NKAIN3: variants seen among roughly 807,000 people sequenced by gnomAD.
The protein encoded by NKAIN3 is sodium/potassium transporting ATPase interacting 3, also known as sodium/potassium-transporting ATPase subunit beta-1-interacting protein 3.
A neutral mutation model predicts 30.2 loss-of-function variants in NKAIN3; 25 were observed. The ratio of observed to expected loss-of-function variants is 0.83; its 90% CI spans 0.60 to 1.16. The LOEUF (loss-of-function observed/expected upper bound fraction) is 1.16, where lower values mean the gene tolerates loss of function less well. Among genes scored for constraint, NKAIN3 ranks in the 50% most tolerant of loss-of-function variants. The pLI is 0.00. For synonymous variants in NKAIN3, 91 were observed against 89.6 expected, an observed-to-expected ratio of 1.02 and a Z score of -0.09; for missense variants, 225 against 254.1, an observed-to-expected ratio of 0.89 and a Z score of 0.78.
At chr8:62,451,127 T>C (rs1805624799) in intron 1 of NKAIN3, among the ~76,000 whole-genome samples, 1 of 152,210 alleles carries the variant, frequency 6.6e-6, no homozygotes, top group Non-Finnish European at 1.5e-5. Flanking sequence ...CTATCACCCA[T>C]GACTATGGTT....
intron 1 of NKAIN3, among the ~76,000 whole-genome samples, chr8:62,421,609 T>A (rs1804642696): frequency 6.6e-6 from 1 of 151,430 alleles, no homozygotes; most frequent in African/African-American, 2.4e-5. Flanking sequence ...TTGGAGTCTC[T>A]CTCTCTCTCT....
intron 3 of NKAIN3, among the ~76,000 whole-genome samples, chr8:62,734,699 A>C (rs1586142646): frequency 6.6e-6 from 1 of 152,246 alleles, no homozygotes; most frequent in African/African-American, 2.4e-5. Context: ...AGAAAAAGTC[A>C]GGAGTTAGTA....
At position 62,971,258 on chromosome 8, in the gene NKAIN3, C is replaced by A. The variant is rs1235023908; in HGVS notation, c.*5851C>A. Among the ~76,000 whole-genome samples, 1 of 152,124 alleles carries A rather than the reference C, an allele frequency of 6.6e-6. No homozygotes were observed. Among genetic ancestry groups the A allele is most frequent in the Non-Finnish European group, 1.5e-5 (1 of 68,022 alleles). On this transcript the variant is annotated 3_prime_UTR_variant, in exon 7 of 7. Coordinates refer to ENST00000623646, the MANE Select transcript of NKAIN3 (RefSeq NM_001304533.3). ...ACTACTTCTGTTTACATCTCATTAG[C>A]CAAAACTTGGTCCACCCCCAACTTT...
At chr8:62,495,184 G>T (rs779322574) in intron 1 of NKAIN3, among the ~76,000 whole-genome samples, 1 of 151,928 alleles carries the variant, frequency 6.6e-6, no homozygotes, top group Non-Finnish European at 1.5e-5. Context: ...ACTATGTCAT[G>T]ACCAATTTCA....
At chr8:62,323,148 T>C (rs1814995989) in intron 1 of NKAIN3, among the ~76,000 whole-genome samples, 1 of 152,216 alleles carries the variant, frequency 6.6e-6, no homozygotes, top group Non-Finnish European at 1.5e-5. Flanking sequence ...AACATGCTCT[T>C]ATCTTATGAC....
At position 62,668,026 on chromosome 8, in the gene NKAIN3, A is replaced by C. The variant is rs1813181484; in HGVS notation, c.273+78232A>C. 2.6e-5 allele frequency among the ~76,000 whole-genome samples: 4 copies of C among 152,012 alleles called. No individual in the cohort carries two copies. In the South Asian group the frequency reaches 8.3e-4, roughly 32 times the overall value. ...TTCACATAATCCAGATTTGGGCTCC[A>C]ACATTCTCTTCTCCATTAGAAGATG... On this transcript the variant is annotated intron_variant, in intron 3 of 6. Coordinates refer to ENST00000623646, the MANE Select transcript of NKAIN3 (RefSeq NM_001304533.3).
chr8:62,892,046 T>C (rs1004900292), intron 4 of NKAIN3, among the ~76,000 whole-genome samples: 1 of 152,198 alleles, frequency 6.6e-6, no homozygotes, highest in African/African-American at 2.4e-5. Context: ...CTAGGGCTGA[T>C]GAAGATGGGT....
chr8:62,949,145 G>T (rs1823209191), intron 5 of NKAIN3, among the ~76,000 whole-genome samples: 1 of 152,186 alleles, frequency 6.6e-6, no homozygotes, highest in South Asian at 2.1e-4. Flanking sequence ...AAGCTGCCAG[G>T]TTGAAAGCCA....
At chr8:62,870,702 T>TCTATATCTCTATAC (rs1491393782) in intron 4 of NKAIN3, among the ~76,000 whole-genome samples, 41 of 140,086 alleles carry the variant, frequency 2.9e-4, no homozygotes, top group Non-Finnish European at 5.9e-4. Context: ...TATCTATATA[T>TCTATATCTCTATAC]CTATATATCT....
chr8:62,389,278 C>T (rs1215889735), intron 1 of NKAIN3, among the ~76,000 whole-genome samples: 3 of 152,244 alleles, frequency 2.0e-5, no homozygotes, highest in Non-Finnish European at 2.9e-5. Flanking sequence ...GTGGAATGAT[C>T]AAATCAGGTT....
intron 4 of NKAIN3, among the ~76,000 whole-genome samples, chr8:62,877,422 G>C (rs1820833660): frequency 6.6e-6 from 1 of 152,200 alleles, no homozygotes; most frequent in East Asian, 1.9e-4. Context: ...GGGAGTGGGG[G>C]TCAGGATCTG....
rs117618461 is a variant in NKAIN3, at chr8:62,456,861, G to T, written c.55-122678G>T. Among the ~76,000 whole-genome samples, 1,150 of 152,342 alleles carry T rather than the reference G, an allele frequency of 7.5e-3. 11 individuals are homozygous for T. Among genetic ancestry groups the T allele is most frequent in the Non-Finnish European group, 0.013 (918 of 68,024 alleles). ...TAATGCACCCAGCCTTCGTTAGAAC[G>T]ATTCCTGGAGTTTTGCACATAGTTC... On this transcript the variant is annotated intron_variant, in intron 1 of 6. Transcript: ENST00000623646.
intron 5 of NKAIN3, among the ~76,000 whole-genome samples, chr8:62,994,591 T>C (rs1165963054): frequency 6.6e-6 from 1 of 152,234 alleles, no homozygotes; most frequent in Non-Finnish European, 1.5e-5. Context: ...TTAAATGTTA[T>C]GGTCTTTAAC....
chr8:62,605,557 A>G (rs1811099642), intron 3 of NKAIN3, among the ~76,000 whole-genome samples: 1 of 152,062 alleles, frequency 6.6e-6, no homozygotes, highest in Admixed American at 6.6e-5. Flanking sequence ...TACAGGTTCC[A>G]CATCCATGCA....
intron 4 of NKAIN3, among the ~76,000 whole-genome samples, chr8:62,835,951 G>T (rs73258708): frequency 0.027 from 4,044 of 152,050 alleles, 180 homozygotes; most frequent in African/African-American, 0.092. Flanking sequence ...CCCATCAGTG[G>T]TGGATTGGAT....
At chr8:62,363,640 CA>C (rs529273781) in intron 1 of NKAIN3, among the ~76,000 whole-genome samples, 7 of 151,790 alleles carry the variant, frequency 4.6e-5, no homozygotes, top group Non-Finnish European at 7.4e-5. Flanking sequence ...AATTACAATA[CA>C]AAAAAAGTAT....
chr8:62,446,465 G>A (rs760006829), intron 1 of NKAIN3, among the ~76,000 whole-genome samples: 32 of 152,112 alleles, frequency 2.1e-4, no homozygotes, highest in Admixed American at 7.2e-4. Flanking sequence ...GGCAAAATAT[G>A]CATAACCTAC....
chr8:62,650,745 G>A (rs1812597254), intron 3 of NKAIN3, among the ~76,000 whole-genome samples: 1 of 152,116 alleles, frequency 6.6e-6, no homozygotes, highest in East Asian at 1.9e-4. Context: ...ACAGGCTCTT[G>A]TCAGATGCCT....
intron 3 of NKAIN3, among the ~76,000 whole-genome samples, chr8:62,684,115 T>A (rs1305285089): frequency 6.6e-6 from 1 of 152,158 alleles, no homozygotes; most frequent in East Asian, 1.9e-4. Context: ...CACAGGCCTG[T>A]TCAGACTCCA....
Sources: allele counts gnomAD v4.1 joint callset (sites outside exome capture counted in the v4.1 genomes callset), GRCh38; gene constraint gnomAD v4.1.1; transcripts MANE v1.5; gene names NCBI Gene and HGNC (gene_info 2026-07-23, HGNC 2026-07-21).